The following WARS2 variants were observed in gnomAD, a reference collection of about 807,000 sequenced individuals.
WARS2 encodes tryptophanyl tRNA synthetase 2, mitochondrial.
WARS2 carries 28 observed loss-of-function variants against 36.5 expected under a neutral mutation model. The observed-to-expected ratio is 0.77, with a 90% CI of 0.57 to 1.05. WARS2 has a LOEUF of 1.05. Ranked by LOEUF, WARS2 falls within the 50% of genes least tolerant of loss-of-function variation. WARS2 has a pLI of 0.00. For missense variants in WARS2, 435 were observed against 456.8 expected (o/e 0.95, Z 0.44); for synonymous variants, 174 against 178.4 (o/e 0.98, Z 0.20).
At chr1:119,091,349 C>A (rs1448421533) in intron 1 of WARS2, among the ~76,000 whole-genome samples, 1 of 152,106 alleles carries the variant, frequency 6.6e-6, no homozygotes, top group African/African-American at 2.4e-5. Context: ...ACTTGTTTCA[C>A]AAGGATGAAG....
At chr1:119,041,384 T>G (rs1420146090) in intron 4 of WARS2, among the ~76,000 whole-genome samples, 1 of 152,152 alleles carries the variant, frequency 6.6e-6, no homozygotes, top group Non-Finnish European at 1.5e-5. Flanking sequence ...TCAGAAGCCC[T>G]GGCCAGTAGT....
intron 1 of WARS2, chr1:119,085,602 G>A: frequency 2.0e-6 from 3 of 1,527,222 alleles, no homozygotes; most frequent in African/African-American, 2.7e-5. Context: ...TGAGTCCTTA[G>A]GAACGCAATA....
chr1:119,121,445 A>G (rs587758283), intron 1 of WARS2, among the ~76,000 whole-genome samples: 1 of 152,178 alleles, frequency 6.6e-6, no homozygotes, highest in Non-Finnish European at 1.5e-5. Flanking sequence ...TAGAATCAAT[A>G]TTGTAAAAAT....
chr1:119,033,474 A>G (rs1647620450), intron 5 of WARS2, 115 bp from the exon 6 acceptor site: 3 of 1,336,538 alleles, frequency 2.2e-6, no homozygotes, highest in Non-Finnish European at 3.1e-6. Context: ...TGATTTTTCA[A>G]CTTTACAGTG....
At chr1:119,050,056 C>T (rs1649210925) in intron 2 of WARS2, among the ~76,000 whole-genome samples, 1 of 152,202 alleles carries the variant, frequency 6.6e-6, no homozygotes, top group African/African-American at 2.4e-5. Flanking sequence ...TCATAACAGC[C>T]TGTAAGATGA....
At chr1:119,098,670 C>T (rs1056111687) in intron 1 of WARS2, among the ~76,000 whole-genome samples, 6 of 152,148 alleles carry the variant, frequency 3.9e-5, no homozygotes, top group Non-Finnish European at 8.8e-5. Context: ...AACTCCTGAC[C>T]TCAGGTGATC....
intron 1 of WARS2, among the ~76,000 whole-genome samples, chr1:119,132,768 T>C (rs1656208965): frequency 6.6e-6 from 1 of 152,226 alleles, no homozygotes; most frequent in Non-Finnish European, 1.5e-5. Context: ...TTCTGTTCAA[T>C]ATTGCTAATT....
chr1:119,051,035 T>A (rs921368605), intron 2 of WARS2, among the ~76,000 whole-genome samples: 2 of 152,330 alleles, frequency 1.3e-5, no homozygotes, highest in South Asian at 2.1e-4. Flanking sequence ...TGCTTTTTTT[T>A]TAAATTTTAT....
intron 1 of WARS2, among the ~76,000 whole-genome samples, chr1:119,129,727 TA>T (rs71586672): frequency 0.013 from 1,999 of 148,688 alleles, 21 homozygotes; most frequent in African/African-American, 0.03. Context: ...AAAATAAAAA[TA>T]AAAAAAAAAT....
rs1176316544 is a variant in WARS2 at position 119,069,689 on chromosome 1, T to A, written c.348+6661A>T. ...TCTTGGGCTTCATTTTTTAAGGGATTTCTAGCTAAGCTGAGTTTAGATTTT... is the reference window on the plus strand; with the variant it reads ...TCTTGGGCTTCATTTTTTAAGGGATATCTAGCTAAGCTGAGTTTAGATTTT... On this transcript the variant is annotated intron_variant, in intron 2 of 5. Coordinates refer to ENST00000235521, the MANE Select transcript of WARS2 (RefSeq NM_015836.4). 4.6e-5 allele frequency among the ~76,000 whole-genome samples: 7 copies of A among 152,194 alleles called. No homozygotes were observed. In the East Asian group the frequency reaches 1.3e-3, roughly 29 times the overall value.
chr1:119,136,492 T>G (rs1180710511), intron 1 of WARS2, among the ~76,000 whole-genome samples: 1 of 152,134 alleles, frequency 6.6e-6, no homozygotes, highest in Non-Finnish European at 1.5e-5. Flanking sequence ...TAAAAGGAGC[T>G]TTAGAGTGGA....
intron 1 of WARS2, among the ~76,000 whole-genome samples, chr1:119,113,048 G>A (rs1446755648): frequency 6.6e-6 from 1 of 152,190 alleles, no homozygotes; most frequent in Non-Finnish European, 1.5e-5. Flanking sequence ...AGTTGACTAA[G>A]TGAGTCCATG....
chr1:119,083,921 G>T (rs1652403974), intron 1 of WARS2, among the ~76,000 whole-genome samples: 1 of 151,872 alleles, frequency 6.6e-6, no homozygotes, highest in Non-Finnish European at 1.5e-5. Context: ...TTATTATCTT[G>T]AACAGGACAG....
chr1:119,101,584 T>C (rs1255563657), intron 1 of WARS2, among the ~76,000 whole-genome samples: 4 of 152,256 alleles, frequency 2.6e-5, no homozygotes, highest in Admixed American at 1.3e-4. Context: ...CAAAATCTTT[T>C]ACTGAAGTAA....
At chr1:119,067,811 A>AT (rs57828460) in intron 2 of WARS2, among the ~76,000 whole-genome samples, 338 of 146,412 alleles carry the variant, frequency 2.3e-3, no homozygotes, top group South Asian at 2.8e-3. Context: ...CAAAGCCTCT[A>AT]TTTTTTTTTT....
intron 1 of WARS2, among the ~76,000 whole-genome samples, chr1:119,093,678 A>G (rs2101419472): frequency 6.6e-6 from 1 of 152,176 alleles, no homozygotes; most frequent in South Asian, 2.1e-4. Context: ...CCCTGCCAAC[A>G]CCTCAGTGTC....
At chr1:119,095,307 G>A (rs1339407289) in intron 1 of WARS2, among the ~76,000 whole-genome samples, 1 of 152,190 alleles carries the variant, frequency 6.6e-6, no homozygotes, top group Non-Finnish European at 1.5e-5. Context: ...TATTAACTTA[G>A]TAGTTTAGTC....
At chr1:119,037,498 T>C (rs1181627122) in intron 4 of WARS2, among the ~76,000 whole-genome samples, 1 of 152,230 alleles carries the variant, frequency 6.6e-6, no homozygotes, top group Non-Finnish European at 1.5e-5. Context: ...TGGTGTTTTC[T>C]TGTCATAAAG....
intron 2 of WARS2, among the ~76,000 whole-genome samples, chr1:119,067,273 A>T (rs1650955773): frequency 6.6e-6 from 1 of 152,232 alleles, no homozygotes. Context: ...GTATCAAATC[A>T]ATATAATAGT....
Sources: allele counts gnomAD v4.1 joint callset (sites outside exome capture counted in the v4.1 genomes callset), GRCh38; gene constraint gnomAD v4.1.1; transcripts MANE v1.5; gene names NCBI Gene and HGNC (gene_info 2026-07-23, HGNC 2026-07-21).